The following MTMR9 variants were observed in gnomAD, a reference collection of about 807,000 sequenced individuals.
MTMR9 encodes the protein myotubularin related protein 9, also known as myotubularin-related protein 9.
In MTMR9, 39 loss-of-function variants were observed where a neutral mutation model predicts 69.5. The ratio of observed to expected loss-of-function variants is 0.56; its 90% confidence interval spans 0.43 to 0.73. The LOEUF (loss-of-function observed/expected upper bound fraction) is 0.73, where lower values mean the gene tolerates loss of function less well. Ranked by LOEUF, MTMR9 falls within the 30% of genes least tolerant of loss-of-function variation. MTMR9 has a pLI of 0.00. For synonymous variants in MTMR9, 354 were observed against 240.8 expected (o/e 1.47, Z -4.35); for missense variants, 900 against 671.2 (o/e 1.34, Z -3.77).
chr8:11,291,911 T>TAATA (rs61573356), intron 1 of MTMR9, among the ~76,000 whole-genome samples: 37,171 of 151,866 alleles, frequency 0.24, 6,224 homozygotes, highest in African/African-American at 0.48. Context: ...GTCGACGTAT[T>TAATA]ACACACTATA....
chr8:11,333,685 C>G, the MTMR9 span, among the ~76,000 whole-genome samples: 1 of 152,072 alleles, frequency 6.6e-6, no homozygotes, highest in Non-Finnish European at 1.5e-5. Context: ...CATAAAAAAG[C>G]AATTATAAAT....
chr8:11,292,763 A>T (rs1799414470), intron 1 of MTMR9, among the ~76,000 whole-genome samples: 1 of 152,146 alleles, frequency 6.6e-6, no homozygotes, highest in Non-Finnish European at 1.5e-5. Flanking sequence ...TATATATATG[A>T]TGGTAGTCCC....
rs761596737 is a variant in MTMR9 at position 11,284,839 on chromosome 8, C to T, written c.-50C>T. The T allele has an allele frequency of 1.3e-6, 2 of 1,492,834 alleles. No individual in the cohort carries two copies. The highest frequency in any genetic ancestry group is 1.3e-5 in the South Asian group (1 of 78,128). The allele number at this position is 1,492,834 out of a possible 1,614,324, so 92.5% of individuals were successfully genotyped here. On this transcript the variant is annotated 5_prime_UTR_variant, in exon 1 of 10. Transcript: ENST00000221086. ...CCGCTACTTCCCTGCGGCGGGGTAACCGCCTCGCACCTACCGGGCTCGGTT... is the reference window on the plus strand; with the variant it reads ...CCGCTACTTCCCTGCGGCGGGGTAATCGCCTCGCACCTACCGGGCTCGGTT...
At chr8:11,311,838 A>G (rs1392456235) in intron 6 of MTMR9, among the ~76,000 whole-genome samples, 1 of 151,468 alleles carries the variant, frequency 6.6e-6, no homozygotes, top group East Asian at 1.9e-4. Flanking sequence ...TCTCTCAAAC[A>G]CTGCCACTGC....
At chr8:11,318,211 G>C (rs1186457519) in intron 8 of MTMR9, 2 of 152,212 alleles carry the variant, frequency 1.3e-5, no homozygotes, top group African/African-American at 4.8e-5. Flanking sequence ...GTTGGTAGAG[G>C]CTGCCAGCAA....
chr8:11,335,177 TAAGC>T, the MTMR9 span, among the ~76,000 whole-genome samples: 1 of 152,180 alleles, frequency 6.6e-6, no homozygotes, highest in East Asian at 1.9e-4. Context: ...AAGTCTAAAA[TAAGC>T]AACCATAATC....
chr8:11,298,691 T>C, intron 2 of MTMR9: 3 of 876,258 alleles, frequency 3.4e-6, no homozygotes, highest in Non-Finnish European at 4.1e-6. Context: ...TGAATTATGC[T>C]AATTGATATG....
intron 5 of MTMR9, among the ~76,000 whole-genome samples, chr8:11,308,132 G>A (rs934645567): frequency 3.9e-5 from 6 of 152,132 alleles, no homozygotes. Context: ...ATGTCAAGAA[G>A]CTTTTTCCTT....
At chr8:11,329,847 G>A (rs1476054540), downstream of MTMR9, among the ~76,000 whole-genome samples, 11 of 151,504 alleles carry the variant, frequency 7.3e-5, no homozygotes, top group Admixed American at 2.6e-4. Context: ...CTTCCTGGCC[G>A]CCATCCCGTC....
intron 1 of MTMR9, among the ~76,000 whole-genome samples, chr8:11,293,346 A>T (rs1799432419): frequency 6.6e-6 from 1 of 152,250 alleles, no homozygotes. Context: ...GTGTTATTAC[A>T]AAAGAGGTAA....
At chr8:11,300,299 AG>A in intron 3 of MTMR9, 151 bp downstream of exon 3, 1 of 783,154 alleles carries the variant, frequency 1.3e-6, no homozygotes, top group Admixed American at 2.6e-5. Context: ...GAAGCCATGC[AG>A]AGTATGATCT....
At chr8:11,311,767 G>A (rs900035029) in intron 6 of MTMR9, among the ~76,000 whole-genome samples, 10 of 152,078 alleles carry the variant, frequency 6.6e-5, no homozygotes, top group East Asian at 3.9e-4. Flanking sequence ...TTTCTCTGTA[G>A]CATGTGATAC....
chr8:11,312,079 C>G (rs950538816), intron 6 of MTMR9, among the ~76,000 whole-genome samples: 3 of 152,150 alleles, frequency 2.0e-5, no homozygotes, highest in African/African-American at 7.2e-5. Context: ...GGGCCTTGCT[C>G]TGTCACCCAG....
Position 11,315,021 on chromosome 8 carries a change from C to G in MTMR9, c.1070C>G (p.Thr357Ser), listed in dbSNP as rs769980338. The G allele has an allele frequency of 1.2e-6, 2 of 1,613,884 alleles. No individual in the cohort carries two copies. The highest frequency in any genetic ancestry group is 2.2e-5 in the East Asian group (1 of 44,876). ...AQIILEPRSR[T>S]IRGFEALIER... ...ATCATCTTAGAGCCAAGAAGCAGGA[C>G]CATTCGTGGTTTTGAGGCCCTGATT... Residue 357 changes from threonine (T) to serine (S), a missense_variant, in exon 7 of 10, where the codon ACC (threonine) becomes AGC (serine). Physicochemically the swap from Thr to Ser is moderately conservative, Grantham distance 58. Transcript: ENST00000221086.
intron 2 of MTMR9, chr8:11,298,707 C>A: frequency 1.1e-6 from 1 of 896,414 alleles, no homozygotes; most frequent in Non-Finnish European, 1.3e-6. Flanking sequence ...ATATGGTATC[C>A]TTTCCCCGCT....
the MTMR9 span, among the ~76,000 whole-genome samples, chr8:11,335,462 G>A: frequency 2.4e-4 from 36 of 152,298 alleles, no homozygotes; most frequent in African/African-American, 8.7e-4. Context: ...TGGATGGGAA[G>A]AATCAATATT....
Position 11,322,763 on chromosome 8 carries a change from A to G in MTMR9, c.1625A>G (p.Glu542Gly), listed in dbSNP as rs757748044. Residue 542 changes from glutamate to glycine, a missense_variant, in exon 10 of 10, where the codon GAG becomes GGG. Transcript: ENST00000221086. ...LRRQLAELETEDGMQESP is the reference protein window; with the variant it reads ...LRRQLAELETGDGMQESP The stretch of plus-strand genomic sequence containing the variant: ...AGGCAGTTGGCAGAACTGGAAACAG[A>G]GGACGGGATGCAGGAGAGTCCCTGA... 6 of 1,614,094 alleles carry G rather than the reference A, an allele frequency of 3.7e-6. No homozygotes were observed. In the South Asian group the frequency reaches 5.5e-5, roughly 15 times the overall value.
intron 9 of MTMR9, chr8:11,320,851 CATTT>C (rs1290881692): frequency 6.6e-5 from 10 of 152,180 alleles, no homozygotes; most frequent in Admixed American, 4.6e-4. Flanking sequence ...AATAAGCACA[CATTT>C]ATTCATGTTT....
chr8:11,322,291 G>T (rs1010316124), intron 9 of MTMR9, among the ~76,000 whole-genome samples: 1 of 152,124 alleles, frequency 6.6e-6, no homozygotes, highest in East Asian at 1.9e-4. Flanking sequence ...TTGTGAAATT[G>T]GAAAGTTTAT....
Sources: allele counts gnomAD v4.1 joint callset (sites outside exome capture counted in the v4.1 genomes callset), GRCh38; gene constraint gnomAD v4.1.1; transcripts MANE v1.5; gene names NCBI Gene and HGNC (gene_info 2026-07-23, HGNC 2026-07-21).